The following FSIP1 variants were observed in gnomAD, a reference collection of about 807,000 sequenced individuals.
The protein encoded by FSIP1 is fibrous sheath interacting protein 1, also known as fibrous sheath-interacting protein 1.
In FSIP1, 65 loss-of-function variants were observed where a neutral mutation model predicts 60.9. That is an observed-to-expected ratio of 1.07 (90% CI 0.87 to 1.31). The LOEUF (loss-of-function observed/expected upper bound fraction) is 1.31, where lower values mean the gene tolerates loss of function less well. Among genes scored for constraint, FSIP1 ranks in the 40% most tolerant of loss-of-function variants. The pLI is 0.00. For missense variants in FSIP1, 675 were observed against 665.5 expected (o/e 1.01, Z -0.16); for synonymous variants, 209 against 221.2 (o/e 0.94, Z 0.49).
chr15:39,694,328 T>C (rs940250585), intron 10 of FSIP1, among the ~76,000 whole-genome samples: 1 of 152,148 alleles, frequency 6.6e-6, no homozygotes, highest in Non-Finnish European at 1.5e-5. Flanking sequence ...TATCAAAGTT[T>C]TAAGAATTAT....
At chr15:39,657,805 C>T (rs780285192) in intron 10 of FSIP1, among the ~76,000 whole-genome samples, 21 of 151,928 alleles carry the variant, frequency 1.4e-4, no homozygotes, top group Non-Finnish European at 2.4e-4. Context: ...AATTATAGCC[C>T]GCAATGTGGA....
chr15:39,732,418 G>A (rs148892915), intron 8 of FSIP1, among the ~76,000 whole-genome samples: 16,598 of 152,054 alleles, frequency 0.11, 1,026 homozygotes, highest in Middle Eastern at 0.25. Flanking sequence ...TCAGGAGTTC[G>A]AGACCAGCCT....
At chr15:39,635,829 C>G (rs932466190) in intron 10 of FSIP1, among the ~76,000 whole-genome samples, 1 of 152,084 alleles carries the variant, frequency 6.6e-6, no homozygotes, top group Non-Finnish European at 1.5e-5. Flanking sequence ...TGCTTAAGCT[C>G]TATTACCCCA....
At chr15:39,756,737 A>C (rs560334662) in intron 5 of FSIP1, among the ~76,000 whole-genome samples, 1 of 152,292 alleles carries the variant, frequency 6.6e-6, no homozygotes, top group South Asian at 2.1e-4. Flanking sequence ...AAATGAAAAG[A>C]AAGAAAGTAG....
chr15:39,770,144 G>A (rs375763034), intron 3 of FSIP1, among the ~76,000 whole-genome samples: 1 of 151,916 alleles, frequency 6.6e-6, no homozygotes, highest in East Asian at 1.9e-4. Flanking sequence ...TCAATAAATT[G>A]CATCAAAAAA....
intron 10 of FSIP1, among the ~76,000 whole-genome samples, chr15:39,621,945 T>C (rs1162521902): frequency 6.6e-6 from 1 of 152,186 alleles, no homozygotes; most frequent in East Asian, 1.9e-4. Flanking sequence ...AATTGAATGA[T>C]TAGAGTGCTT....
chr15:39,716,275 ATTATT>A (rs1895735152), intron 9 of FSIP1, among the ~76,000 whole-genome samples: 1 of 152,226 alleles, frequency 6.6e-6, no homozygotes, highest in African/African-American at 2.4e-5. Context: ...TTAAATTGAA[ATTATT>A]TTAATAATCT....
intron 10 of FSIP1, among the ~76,000 whole-genome samples, chr15:39,628,344 G>T (rs1200099486): frequency 6.6e-6 from 1 of 152,170 alleles, no homozygotes; most frequent in African/African-American, 2.4e-5. Context: ...ACAAGCATGA[G>T]GTATAAAAGA....
chr15:39,689,671 T>TGGGG (rs1555392828), intron 10 of FSIP1, among the ~76,000 whole-genome samples: 3 of 152,204 alleles, frequency 2.0e-5, no homozygotes, highest in African/African-American at 7.2e-5. Context: ...TGCCAGGAAC[T>TGGGG]GGGGACAAAG....
At position 39,630,128 on chromosome 15, in the gene FSIP1, G is replaced by A. The variant is rs74008649; in HGVS notation, c.1189-11883C>T. On this transcript the variant is annotated intron_variant, in intron 10 of 11. Transcript: ENST00000350221. ...TTCTGTAGAGCACACAAAGCCCAACGTCATTACATAAACATGAAGCTCCAT... is the reference window on the plus strand; with the variant it reads ...TTCTGTAGAGCACACAAAGCCCAACATCATTACATAAACATGAAGCTCCAT... Among the ~76,000 whole-genome samples the A allele has an allele frequency of 4.2e-3, 640 of 152,262 alleles. 5 individuals are homozygous for A. Among genetic ancestry groups the A allele is most frequent in the African/African-American group, 0.012 (515 of 41,540 alleles).
At chr15:39,603,447 TGGCTAA>T (rs1890713534) in intron 11 of FSIP1, among the ~76,000 whole-genome samples, 1 of 152,148 alleles carries the variant, frequency 6.6e-6, no homozygotes, top group Non-Finnish European at 1.5e-5. Context: ...GAGGCAGCAC[TGGCTAA>T]GGAACAGACT....
chr15:39,663,118 A>G (rs1443103151), intron 10 of FSIP1, among the ~76,000 whole-genome samples: 1 of 152,152 alleles, frequency 6.6e-6, no homozygotes, highest in Admixed American at 6.5e-5. Flanking sequence ...TTACTGGTCT[A>G]TTGTTGTTTA....
intron 8 of FSIP1, among the ~76,000 whole-genome samples, chr15:39,733,470 G>T (rs1896488702): frequency 6.6e-6 from 1 of 152,208 alleles, no homozygotes; most frequent in Non-Finnish European, 1.5e-5. Flanking sequence ...TTATGAGAAA[G>T]ATGTTATAAG....
chr15:39,673,968 A>C (rs1057096163), intron 10 of FSIP1, among the ~76,000 whole-genome samples: 1 of 152,190 alleles, frequency 6.6e-6, no homozygotes, highest in African/African-American at 2.4e-5. Context: ...TCATAAAAGC[A>C]TTTAATAAAA....
At chr15:39,761,796 A>C (rs370396678) in intron 5 of FSIP1, among the ~76,000 whole-genome samples, 117 of 152,374 alleles carry the variant, frequency 7.7e-4, no homozygotes, top group African/African-American at 2.7e-3. Flanking sequence ...ATTATTCTAT[A>C]TTGTATTCAT....
intron 1 of FSIP1, among the ~76,000 whole-genome samples, chr15:39,778,518 G>C (rs1898138476): frequency 6.6e-6 from 1 of 152,090 alleles, no homozygotes; most frequent in Non-Finnish European, 1.5e-5. Flanking sequence ...TTGGTAAAGG[G>C]TATTAAAATT....
At chr15:39,609,583 C>T (rs1400394660) in intron 11 of FSIP1, among the ~76,000 whole-genome samples, 1 of 152,208 alleles carries the variant, frequency 6.6e-6, no homozygotes, top group East Asian at 1.9e-4. Context: ...CTTAAGGCTT[C>T]CCTGAGGGAA....
intron 8 of FSIP1, among the ~76,000 whole-genome samples, chr15:39,733,390 C>T (rs1030294029): frequency 6.6e-6 from 1 of 152,168 alleles, no homozygotes; most frequent in African/African-American, 2.4e-5. Context: ...AGCAGAACAA[C>T]ATGGTTGAAA....
At chr15:39,664,234 A>C (rs1566875702) in intron 10 of FSIP1, among the ~76,000 whole-genome samples, 1 of 152,228 alleles carries the variant, frequency 6.6e-6, no homozygotes, top group Admixed American at 6.5e-5. Flanking sequence ...TTGATAAGTC[A>C]ATTGAAAAGT....
Sources: gnomAD v4.1 joint callset for allele counts (sites outside exome capture counted in the v4.1 genomes callset) on GRCh38, gnomAD v4.1.1 for gene constraint, MANE v1.5 for transcripts, NCBI Gene and HGNC (gene_info 2026-07-23, HGNC 2026-07-21) for gene names.